GRIK2: variants seen among roughly 807,000 people sequenced by gnomAD.
The protein encoded by GRIK2 is glutamate ionotropic receptor kainate type subunit 2.
GRIK2 carries 32 observed loss-of-function variants against 100.3 expected under a neutral mutation model. That is an observed-to-expected ratio of 0.32 (90% CI 0.24 to 0.43). GRIK2 has a LOEUF of 0.43. GRIK2 is among the 20% of genes least tolerant of loss of function. The probability of loss-of-function intolerance (pLI) is 1.00; values close to 1 mark genes in which losing one functional copy is unlikely to be tolerated. For synonymous variants in GRIK2, 417 were observed against 389.4 expected (o/e 1.07, Z -0.83); for missense variants, 843 against 1,114.9 (o/e 0.76, Z 3.47).
intron 14 of GRIK2, among the ~76,000 whole-genome samples, chr6:101,994,942 T>C (rs1033745943): frequency 1.3e-5 from 2 of 151,904 alleles, no homozygotes. Context: ...TCATATTAAC[T>C]TGTTACCATC....
chr6:101,769,340 A>C (rs1293997187), intron 7 of GRIK2, among the ~76,000 whole-genome samples: 3 of 152,144 alleles, frequency 2.0e-5, no homozygotes, highest in Non-Finnish European at 4.4e-5. Flanking sequence ...AGCCTTTAAG[A>C]GGTCAGAAAG....
chr6:101,793,594 A>T (rs906544352), intron 7 of GRIK2, among the ~76,000 whole-genome samples: 1 of 151,992 alleles, frequency 6.6e-6, no homozygotes, highest in South Asian at 2.1e-4. Context: ...GTATCTCGCC[A>T]TGTGAGGTGT....
At chr6:101,797,802 G>T (rs1780407161) in intron 7 of GRIK2, among the ~76,000 whole-genome samples, 1 of 145,136 alleles carries the variant, frequency 6.9e-6, no homozygotes, top group Non-Finnish European at 1.5e-5. Flanking sequence ...TATAATATAT[G>T]AAACCATTAT....
chr6:101,920,062 T>A (rs1477386671), intron 12 of GRIK2, among the ~76,000 whole-genome samples: 1 of 151,908 alleles, frequency 6.6e-6, no homozygotes, highest in Admixed American at 6.6e-5. Flanking sequence ...TTGGGATGTA[T>A]TCAATTACAA....
intron 2 of GRIK2, among the ~76,000 whole-genome samples, chr6:101,610,782 T>C (rs1779636290): frequency 1.3e-5 from 2 of 151,810 alleles, no homozygotes. Flanking sequence ...GGTTGACCTA[T>C]TTTCTTTTAA....
At chr6:102,065,896 T>G (rs1218655972) in intron 16 of GRIK2, 1 of 1,445,104 alleles carries the variant, frequency 6.9e-7, no homozygotes, top group East Asian at 2.8e-5. Flanking sequence ...TTCATCATCA[T>G]TATCATCATG....
At chr6:101,800,788 C>G (rs1472761294) in intron 8 of GRIK2, among the ~76,000 whole-genome samples, 4 of 151,994 alleles carry the variant, frequency 2.6e-5, no homozygotes, top group African/African-American at 9.7e-5. Flanking sequence ...TAGACACAGT[C>G]CACAGGTCTG....
intron 7 of GRIK2, among the ~76,000 whole-genome samples, chr6:101,714,089 G>A (rs1376414017): frequency 6.6e-6 from 1 of 151,676 alleles, no homozygotes; most frequent in African/African-American, 2.4e-5. Flanking sequence ...GTATATTTTA[G>A]AGTAACATAT....
intron 14 of GRIK2, among the ~76,000 whole-genome samples, chr6:102,001,787 C>G (rs1794955300): frequency 6.6e-6 from 1 of 151,838 alleles, no homozygotes; most frequent in African/African-American, 2.4e-5. Flanking sequence ...CATTTTCATT[C>G]AGATCAGAAT....
At chr6:101,427,622 A>G (rs1158290849) in intron 2 of GRIK2, among the ~76,000 whole-genome samples, 1 of 152,150 alleles carries the variant, frequency 6.6e-6, no homozygotes, top group African/African-American at 2.4e-5. Flanking sequence ...CTCCCTGGTA[A>G]TTTTGAATAT....
chr6:102,048,997 A>G (rs1771040077), intron 15 of GRIK2, among the ~76,000 whole-genome samples: 1 of 152,136 alleles, frequency 6.6e-6, no homozygotes, highest in South Asian at 2.1e-4. Flanking sequence ...ATTAAGGAAG[A>G]ACAAAAAGCA....
intron 5 of GRIK2, among the ~76,000 whole-genome samples, chr6:101,682,297 A>G (rs1398417997): frequency 6.6e-6 from 1 of 152,222 alleles, no homozygotes. Flanking sequence ...GCCTTCTTTA[A>G]TGTGTTAAGC....
At chr6:102,034,580 C>A (rs1770165072) in intron 14 of GRIK2, among the ~76,000 whole-genome samples, 1 of 151,316 alleles carries the variant, frequency 6.6e-6, no homozygotes, top group Non-Finnish European at 1.5e-5. Context: ...GCCTTCTGAA[C>A]AAAACCTATT....
At chr6:101,740,259 A>G (rs1337175422) in intron 7 of GRIK2, among the ~76,000 whole-genome samples, 2 of 152,078 alleles carry the variant, frequency 1.3e-5, no homozygotes, top group East Asian at 1.9e-4. Flanking sequence ...CAAATACTCC[A>G]TGTTTCTGAG....
intron 2 of GRIK2, among the ~76,000 whole-genome samples, chr6:101,494,971 T>TATATATATATATA (rs1773349547): frequency 1.9e-5 from 2 of 107,984 alleles, no homozygotes. Context: ...ATATATGCAT[T>TATATATATATATA]TATATATATA....
intron 10 of GRIK2, among the ~76,000 whole-genome samples, chr6:101,845,705 A>G (rs999214634): frequency 1.3e-5 from 2 of 152,140 alleles, no homozygotes; most frequent in African/African-American, 4.8e-5. Context: ...TTTTATGGTA[A>G]TTCCATATTT....
intron 14 of GRIK2, among the ~76,000 whole-genome samples, chr6:101,949,364 G>T (rs1254933001): frequency 6.6e-6 from 1 of 151,876 alleles, no homozygotes; most frequent in Non-Finnish European, 1.5e-5. Context: ...ACTCCTCTTT[G>T]ATTATCTTTT....
intron 7 of GRIK2, among the ~76,000 whole-genome samples, chr6:101,715,446 G>C (rs1228884693): frequency 6.6e-6 from 1 of 151,720 alleles, no homozygotes; most frequent in Non-Finnish European, 1.5e-5. Context: ...CAAGACTAAT[G>C]GGGAGTGTTG....
At chr6:101,419,610 C>T (rs1271048097) in intron 2 of GRIK2, among the ~76,000 whole-genome samples, 1 of 152,176 alleles carries the variant, frequency 6.6e-6, no homozygotes, top group South Asian at 2.1e-4. Context: ...TTTACACACG[C>T]AGTATTCATT....
Sources: gnomAD v4.1 joint callset for allele counts (sites outside exome capture counted in the v4.1 genomes callset) on GRCh38, gnomAD v4.1.1 for gene constraint, MANE v1.5 for transcripts, NCBI Gene and HGNC (gene_info 2026-07-23, HGNC 2026-07-21) for gene names.